CBY2: variants seen among roughly 807,000 people sequenced by gnomAD.
CBY2 encodes protein chibby homolog 2.
CBY2 carries 23 observed loss-of-function variants against 25.3 expected under a neutral mutation model. The ratio of observed to expected loss-of-function variants is 0.91; its 90% CI spans 0.65 to 1.29. The LOEUF (loss-of-function observed/expected upper bound fraction) is 1.29, where lower values mean the gene tolerates loss of function less well. Ranked by LOEUF, CBY2 falls within the 50% of genes most tolerant of loss-of-function variation. The pLI is 0.00. For synonymous variants in CBY2, 279 were observed against 260.2 expected (o/e 1.07, Z -0.70); for missense variants, 642 against 590.7 (o/e 1.09, Z -0.90).
chr13:45,707,471 AAC>A (rs957985963), intron 2 of CBY2, among the ~76,000 whole-genome samples: 5 of 152,196 alleles, frequency 3.3e-5, no homozygotes, highest in Admixed American at 2.6e-4. Flanking sequence ...GTAAAATGTT[AAC>A]AGTTTCTTAT....
At chr13:45,707,660 G>A (rs529578258) in intron 2 of CBY2, among the ~76,000 whole-genome samples, 31 of 152,326 alleles carry the variant, frequency 2.0e-4, no homozygotes, top group African/African-American at 7.2e-4. Flanking sequence ...TTACTCATAT[G>A]GGGAGAGGAC....
In CBY2 at chr13:45,704,422, G is replaced by A. The variant is rs559633122; in HGVS notation, c.156+1567G>A. ...CACAAGGGCAGATGCAGCTTCGTGC[G>A]TACACCTGCCAAGAGGGCACAAGCC... is the stretch of plus-strand genomic sequence containing the variant. On this transcript the variant is annotated intron_variant, in intron 2 of 2. Coordinates refer to ENST00000310521, the MANE Select transcript of CBY2 (RefSeq NM_152719.3). This position sits in a 1 kb window ranked among gnomAD's most constrained non-coding sequence, Gnocchi z 4.1. Among the ~76,000 whole-genome samples, 3 of 152,226 alleles carry A rather than the reference G, an allele frequency of 2.0e-5. No homozygotes were observed. The highest frequency in any genetic ancestry group is 2.9e-5 in the Non-Finnish European group (2 of 68,014).
rs778196113 is a variant in CBY2, at chr13:45,714,008, G to A, written c.983G>A (p.Arg328Gln). 2.3e-5 allele frequency: 34 copies of A among 1,494,806 alleles called. No homozygotes were observed. In the South Asian group the frequency reaches 3.8e-4, roughly 17 times the overall value. The allele number at this position is 1,494,806 out of a possible 1,614,324, so 92.6% of individuals were successfully genotyped here. ...GACTCCAAGGAGCTGCGCGCCCTGCGGAAGATGGTCAGCAACATGTCCGGG... is the reference window on the plus strand; with the variant it reads ...GACTCCAAGGAGCTGCGCGCCCTGCAGAAGATGGTCAGCAACATGTCCGGG... ...QEDSKELRAL[R>Q]KMVSNMSGPS... The change falls in exon 3 of 3, where the codon CGG (arginine) becomes CAG (glutamine). Residue 328 changes from arginine (R) to glutamine (Q), a missense_variant. Physicochemically the swap from Arg to Gln is conservative, Grantham distance 43 (BLOSUM62 1). Coordinates refer to ENST00000310521, the MANE Select transcript of CBY2 (RefSeq NM_152719.3).
At chr13:45,712,946 A>T (rs1164527001) in intron 2 of CBY2, among the ~76,000 whole-genome samples, 2 of 152,232 alleles carry the variant, frequency 1.3e-5, no homozygotes, top group Non-Finnish European at 2.9e-5. Context: ...CTGTAGGAGC[A>T]ATGGTTCTAT....
At chr13:45,703,084 G>T in intron 2 of CBY2, 1 of 1,323,338 alleles carries the variant, frequency 7.6e-7, no homozygotes, top group East Asian at 2.9e-5. Context: ...AGATGATCTG[G>T]TAAGAACTTC....
intron 2 of CBY2, among the ~76,000 whole-genome samples, chr13:45,710,948 A>G (rs1476279237): frequency 6.6e-6 from 1 of 152,184 alleles, no homozygotes; most frequent in Non-Finnish European, 1.5e-5. Context: ...CTCTCTACAT[A>G]CACCCACACA....
Position 45,713,128 on chromosome 13 carries a change from C to G in CBY2, c.157-54C>G, listed in dbSNP as rs113794918. The G allele has an allele frequency of 1.1e-3, 1,572 of 1,420,994 alleles. 18 individuals carry two copies. In the African/African-American group the frequency reaches 0.018, roughly 17 times the overall value. 88.0% of individuals were successfully genotyped at this position (1,420,994 alleles called of 1,614,324 possible). ...TGTCCTGGCCCCTTTGTCAGCCAGC[C>G]CCAAGTGTGTCAGTCCCATCGTTAA... is the stretch of plus-strand genomic sequence containing the variant. On this transcript the variant is annotated intron_variant, in intron 2 of 2. Coordinates refer to ENST00000310521, the MANE Select transcript of CBY2 (RefSeq NM_152719.3). The surrounding 1 kb of genome is among the most constrained non-coding windows in gnomAD (Gnocchi z 5.0).
At position 45,713,567 on chromosome 13, in the gene CBY2, C is replaced by A. The variant is rs1288174397; in HGVS notation, c.542C>A (p.Ala181Asp). The change falls in exon 3 of 3, where the codon GCC becomes GAC. Residue 181 changes from alanine (A) to aspartate (D), a missense_variant. Transcript: ENST00000310521. This position sits in a 1 kb window ranked among gnomAD's most constrained non-coding sequence, Gnocchi z 5.0. Reference sequence around the variant, plus strand: ...AAGTCTCTGCGGGAGGAGAACAAGGCCCTGCGCGAGGAGAACCGGATGCTC... The same window carrying A: ...AAGTCTCTGCGGGAGGAGAACAAGGACCTGCGCGAGGAGAACCGGATGCTC... ...ENKSLREENK[A>D]LREENRMLSK... 1 of 1,613,814 alleles carries A rather than the reference C, an allele frequency of 6.2e-7. No individual in the cohort carries two copies. The highest frequency in any genetic ancestry group is 2.2e-5 in the East Asian group (1 of 44,870).
At chr13:45,707,969 A>G (rs1419341094) in intron 2 of CBY2, among the ~76,000 whole-genome samples, 1 of 152,196 alleles carries the variant, frequency 6.6e-6, no homozygotes, top group Non-Finnish European at 1.5e-5. Flanking sequence ...AATGCTAAGC[A>G]ATGTCTCTTC....
rs562727531 is a variant in CBY2 at position 45,702,414 on chromosome 13, G to C, written c.24G>C (p.Glu8Asp). The C allele has an allele frequency of 1.1e-5, 18 of 1,614,198 alleles. No individual in the cohort carries two copies. The highest frequency in any genetic ancestry group is 9.9e-5 in the South Asian group (9 of 91,084). The change falls in exon 1 of 3, where the codon GAG (glutamate) becomes GAC (aspartate). Residue 8 changes from glutamate to aspartate, a missense_variant. Glu to Asp is a conservative substitution (Grantham distance 45, BLOSUM62 2). Transcript: ENST00000310521. MSPLECSECFGDQLLHRT... is the reference protein window; with the variant it reads MSPLECSDCFGDQLLHRT... ...TGATGTCACCTCTGGAATGTTCTGA[G>C]TGTTTTGGTGACCAACTTCTGCATA...
At chr13:45,708,374 A>C (rs1157798503) in intron 2 of CBY2, among the ~76,000 whole-genome samples, 1 of 152,190 alleles carries the variant, frequency 6.6e-6, no homozygotes, top group African/African-American at 2.4e-5. Context: ...TCTCATTTGC[A>C]TCAAGAAGTA....
At chr13:45,712,027 G>C (rs568231300) in intron 2 of CBY2, among the ~76,000 whole-genome samples, 11 of 152,352 alleles carry the variant, frequency 7.2e-5, no homozygotes, top group African/African-American at 2.4e-4. Context: ...TGAAGGATAT[G>C]CCCAGATGGG....
intron 2 of CBY2, chr13:45,703,321 T>C: frequency 7.2e-7 from 1 of 1,394,700 alleles, no homozygotes; most frequent in Non-Finnish European, 9.3e-7. Context: ...AGCCCTGCTA[T>C]GCATCAAAGA....
chr13:45,710,501 C>T (rs9316150), intron 2 of CBY2, among the ~76,000 whole-genome samples: 41,228 of 152,012 alleles, frequency 0.27, 6,893 homozygotes, highest in Non-Finnish European at 0.37. Context: ...CCAGCCTGGG[C>T]GACAGAGTGA....
chr13:45,714,171 C>T lies in CBY2; in HGVS notation c.1146C>T (p.Thr382=), dbSNP rs771758654. The change falls in exon 3 of 3, where the codon ACC becomes ACT. Residue 382 remains threonine (T), a synonymous_variant. Coordinates refer to ENST00000310521, the MANE Select transcript of CBY2 (RefSeq NM_152719.3). ...ENRLLQEENR[T]LQVLRAEHRG... is the part of the protein sequence containing the mutation. ...GGCTCCTGCAGGAGGAGAACAGGACCCTGCAGGTGCTACGGGCAGAGCACA... is the reference window on the plus strand; with the variant it reads ...GGCTCCTGCAGGAGGAGAACAGGACTCTGCAGGTGCTACGGGCAGAGCACA... The T allele has an allele frequency of 1.2e-6, 2 of 1,609,610 alleles. No individual in the cohort carries two copies. The highest frequency in any genetic ancestry group is 2.7e-5 in the African/African-American group (2 of 74,994).
In CBY2 at chr13:45,713,533, G is replaced by A. The variant is rs1950286796; in HGVS notation, c.508G>A (p.Glu170Lys). The A allele has an allele frequency of 6.2e-7, 1 of 1,614,096 alleles. No homozygotes were observed. The highest frequency in any genetic ancestry group is 8.5e-7 in the Non-Finnish European group (1 of 1,179,984). ...GCTGGCCAAGGAGTGCATGCTGCAG[G>A]AGGAGAACAAGTCTCTGCGGGAGGA... ...KRLAKECMLQ[E>K]ENKSLREENK... Residue 170 changes from glutamate to lysine, a missense_variant, in exon 3 of 3, where the codon GAG becomes AAG. Physicochemically the swap from Glu to Lys is moderately conservative, Grantham distance 56 (BLOSUM62 1). Transcript: ENST00000310521. The surrounding 1 kb of genome is among the most constrained non-coding windows in gnomAD (Gnocchi z 5.0).
intron 2 of CBY2, among the ~76,000 whole-genome samples, chr13:45,708,183 C>T (rs1300072951): frequency 6.6e-6 from 1 of 152,050 alleles, no homozygotes; most frequent in Non-Finnish European, 1.5e-5. Flanking sequence ...ATGGGTTGGC[C>T]CTGATTCATT....
At position 45,710,210 on chromosome 13, in the gene CBY2, C is replaced by T. The variant is rs191226149; in HGVS notation, c.157-2972C>T. Among the ~76,000 whole-genome samples the T allele has an allele frequency of 2.0e-5, 3 of 152,228 alleles. No homozygotes were observed. The East Asian group carries it at 5.8e-4, about 29-fold the overall frequency. On this transcript the variant is annotated intron_variant, in intron 2 of 2. Coordinates refer to ENST00000310521, the MANE Select transcript of CBY2 (RefSeq NM_152719.3). ...CTGAGATAAAGTATTAGTTCTAGTGCAAGGATGGAGAGAACCTCTTAAGAT... is the reference window on the plus strand; with the variant it reads ...CTGAGATAAAGTATTAGTTCTAGTGTAAGGATGGAGAGAACCTCTTAAGAT...
intron 2 of CBY2, 99 bp downstream of exon 2, chr13:45,702,954 G>C (rs1950219715): frequency 1.7e-6 from 2 of 1,211,580 alleles, no homozygotes; most frequent in Non-Finnish European, 1.2e-6. Context: ...AGAATAAGCA[G>C]AGATAGTCAG....
Sources: allele counts gnomAD v4.1 joint callset (sites outside exome capture counted in the v4.1 genomes callset), GRCh38; gene constraint gnomAD v4.1.1; non-coding constraint Gnocchi (gnomAD v3.1); transcripts MANE v1.5; gene names NCBI Gene and HGNC (gene_info 2026-07-23, HGNC 2026-07-21).